HECTD2: variants seen among roughly 807,000 people sequenced by gnomAD.
HECTD2 encodes probable E3 ubiquitin-protein ligase HECTD2.
A neutral mutation model predicts 103.2 loss-of-function variants in HECTD2; 35 were observed. The observed-to-expected ratio is 0.34, with a 90% CI of 0.26 to 0.45. The LOEUF (loss-of-function observed/expected upper bound fraction) is 0.45. Ranked by LOEUF, HECTD2 falls within the 20% of genes least tolerant of loss-of-function variation. HECTD2 has a pLI of 1.00. For missense variants in HECTD2, 596 were observed against 937.4 expected (o/e 0.64, Z 4.76); for synonymous variants, 281 against 329.9 (o/e 0.85, Z 1.61).
intron 15 of HECTD2, among the ~76,000 whole-genome samples, chr10:91,497,470 T>G (rs1247954883): frequency 2.0e-5 from 2 of 100,424 alleles, no homozygotes; most frequent in African/African-American, 1.2e-4. Flanking sequence ...TTTTTTTTTT[T>G]TTTTTTTTTT....
intron 14 of HECTD2, among the ~76,000 whole-genome samples, chr10:91,495,596 G>A (rs1846636603): frequency 6.6e-6 from 1 of 151,892 alleles, no homozygotes; most frequent in Non-Finnish European, 1.5e-5. Context: ...TCCACCATAT[G>A]ACTAATAAAT....
chr10:91,459,215 G>A (rs1262047359), intron 2 of HECTD2, among the ~76,000 whole-genome samples: 1 of 151,990 alleles, frequency 6.6e-6, no homozygotes, highest in Non-Finnish European at 1.5e-5. Flanking sequence ...ACCAAATGCT[G>A]GTGAGTATGT....
chr10:91,431,791 T>A (rs1323199285), intron 2 of HECTD2, among the ~76,000 whole-genome samples: 1 of 152,086 alleles, frequency 6.6e-6, no homozygotes, highest in Non-Finnish European at 1.5e-5. Flanking sequence ...CTAAAATTTT[T>A]TCAAAGTTTT....
chr10:91,482,853 T>C (rs2133284047), intron 7 of HECTD2, 114 bp from the exon 8 acceptor site: 1 of 491,694 alleles, frequency 2.0e-6, no homozygotes, highest in African/African-American at 2.0e-5. Context: ...GTTATTGTTA[T>C]TTTATAATCT....
At chr10:91,475,475 G>T (rs1032923366) in intron 5 of HECTD2, among the ~76,000 whole-genome samples, 1 of 152,180 alleles carries the variant, frequency 6.6e-6, no homozygotes, top group Admixed American at 6.5e-5. Flanking sequence ...GAGACATTTT[G>T]TAAGGTTTGG....
intron 5 of HECTD2, among the ~76,000 whole-genome samples, chr10:91,473,017 A>G (rs1274594743): frequency 6.6e-6 from 1 of 152,196 alleles, no homozygotes; most frequent in Non-Finnish European, 1.5e-5. Context: ...ACTAAACTTC[A>G]TTGTATTTGG....
At chr10:91,445,664 T>C (rs1844572961) in intron 2 of HECTD2, among the ~76,000 whole-genome samples, 1 of 152,112 alleles carries the variant, frequency 6.6e-6, no homozygotes, top group Non-Finnish European at 1.5e-5. Context: ...AGGTGATTTC[T>C]GCATTTCCAA....
At chr10:91,486,262 A>G (rs1232794091) in intron 10 of HECTD2, 1 of 152,160 alleles carries the variant, frequency 6.6e-6, no homozygotes, top group Non-Finnish European at 1.5e-5. Context: ...CTGAATAAGA[A>G]TAAGAATTTA....
chr10:91,449,423 C>G (rs1275970720), intron 2 of HECTD2, among the ~76,000 whole-genome samples: 1 of 152,048 alleles, frequency 6.6e-6, no homozygotes, highest in Non-Finnish European at 1.5e-5. Flanking sequence ...TTATGACAAA[C>G]CCACAGTCAA....
At chr10:91,500,728 T>C in intron 19 of HECTD2, 111 bp downstream of exon 19, 1 of 561,354 alleles carries the variant, frequency 1.8e-6, no homozygotes, top group South Asian at 3.0e-5. Flanking sequence ...TTAGTCAAAA[T>C]ATTAGAGAGT....
At chr10:91,436,887 C>A in intron 2 of HECTD2, among the ~76,000 whole-genome samples, 1 of 151,970 alleles carries the variant, frequency 6.6e-6, no homozygotes, top group East Asian at 1.9e-4. Flanking sequence ...ATGGCTATTT[C>A]ACCTGTTCTG....
chr10:91,512,037 G>C (rs1316371980), intron 20 of HECTD2, among the ~76,000 whole-genome samples: 5 of 152,162 alleles, frequency 3.3e-5, no homozygotes, highest in Non-Finnish European at 7.4e-5. Context: ...CATGAAAGTG[G>C]TAACATTGGT....
chr10:91,456,759 A>T lies in HECTD2; in HGVS notation c.269-3668A>T, dbSNP rs1037243415. Among the ~76,000 whole-genome samples, 3 of 151,708 alleles carry T rather than the reference A, an allele frequency of 2.0e-5. No homozygotes were observed. In the South Asian group the frequency reaches 6.2e-4, roughly 32 times the overall value. ...ATTTTGAGATACGTCAAAAAGGGGGAAAGTTTCAAAACAAATATCTAAGCC... is the reference window on the plus strand; with the variant it reads ...ATTTTGAGATACGTCAAAAAGGGGGTAAGTTTCAAAACAAATATCTAAGCC... On this transcript the variant is annotated intron_variant, in intron 2 of 20. Transcript: ENST00000298068.
intron 2 of HECTD2, among the ~76,000 whole-genome samples, chr10:91,435,876 C>G (rs965038206): frequency 6.6e-6 from 1 of 151,870 alleles, no homozygotes; most frequent in Non-Finnish European, 1.5e-5. Flanking sequence ...GCCAGACTTT[C>G]TGGACTCCTA....
chr10:91,468,874 TGTG>T (rs1485509282), intron 5 of HECTD2, among the ~76,000 whole-genome samples: 1 of 148,180 alleles, frequency 6.7e-6, no homozygotes, highest in Non-Finnish European at 1.5e-5. Context: ...AATTCAAAAC[TGTG>T]GTGAGCTATG....
intron 5 of HECTD2, among the ~76,000 whole-genome samples, chr10:91,463,834 A>G (rs910060922): frequency 2.6e-5 from 4 of 152,224 alleles, no homozygotes; most frequent in Non-Finnish European, 5.9e-5. Flanking sequence ...TCATCCCTTG[A>G]TGATGTAAGT....
chr10:91,427,155 C>T (rs1408586757), intron 2 of HECTD2, among the ~76,000 whole-genome samples: 1 of 151,350 alleles, frequency 6.6e-6, no homozygotes, highest in African/African-American at 2.4e-5. Flanking sequence ...CCAATTTCAT[C>T]CATGTCCCTA....
intron 2 of HECTD2, among the ~76,000 whole-genome samples, chr10:91,425,853 G>A (rs1204411717): frequency 6.6e-6 from 1 of 151,786 alleles, no homozygotes; most frequent in Non-Finnish European, 1.5e-5. Flanking sequence ...CCAAAAGGTA[G>A]TTTGAATGGA....
Position 91,438,540 on chromosome 10 carries a change from A to G in HECTD2, c.268+13130A>G, listed in dbSNP as rs113108141. Among the ~76,000 whole-genome samples, 14 of 105,236 alleles carry G rather than the reference A, an allele frequency of 1.3e-4. No individual in the cohort carries two copies. The South Asian group carries it at 3.1e-3, about 23-fold the overall frequency. The allele number at this position is 105,236 out of a possible 152,430, so 69.0% of individuals were successfully genotyped here. Reference sequence around the variant, plus strand: ...TATTGCGAACAGTGCTGTAATAAACATGTGTGTGTGTCTTGATAGTAGAAT... The same window carrying G: ...TATTGCGAACAGTGCTGTAATAAACGTGTGTGTGTGTCTTGATAGTAGAAT... On this transcript the variant is annotated intron_variant, in intron 2 of 20. Transcript: ENST00000298068.
Sources: allele counts gnomAD v4.1 joint callset (sites outside exome capture counted in the v4.1 genomes callset), GRCh38; gene constraint gnomAD v4.1.1; transcripts MANE v1.5; gene names NCBI Gene and HGNC (gene_info 2026-07-23, HGNC 2026-07-21).